The following DHRSX variants were observed in gnomAD, a reference collection of about 807,000 sequenced individuals.
The protein encoded by DHRSX is polyprenol dehydrogenase.
Under a neutral mutation model 34.0 loss-of-function variants are expected in DHRSX, and 31 were observed. The observed-to-expected ratio is 0.91, with a 90% CI of 0.69 to 1.23. DHRSX has a LOEUF of 1.23. Among genes scored for constraint, DHRSX ranks in the 50% most tolerant of loss-of-function variants. The pLI is 0.00. For synonymous variants in DHRSX, 201 were observed against 183.8 expected (o/e 1.09, Z -0.76); for missense variants, 414 against 428.1 (o/e 0.97, Z 0.29).
At chrX:2,360,566 G>C (rs1180578519) in intron 3 of DHRSX, among the ~76,000 whole-genome samples, 4 of 152,082 alleles carry the variant, frequency 2.6e-5, no homozygotes, top group Admixed American at 1.3e-4. Context: ...CTGGGCAACA[G>C]AGTGAGACTC....
chrX:2,415,446 C>T lies in DHRSX; in HGVS notation c.218-6633G>A, dbSNP rs192947051. Among the ~76,000 whole-genome samples the T allele has an allele frequency of 8.4e-3, 1,273 of 151,048 alleles. 20 individuals are homozygous for T. The highest frequency in any genetic ancestry group is 0.03 in the African/African-American group (1,217 of 41,174). ...CTCAATGAGACCTCATCATAACTTA[C>T]CCCAACTACATCACATCATGACCTA... On this transcript the variant is annotated intron_variant, in intron 2 of 6. Transcript: ENST00000334651.
intron 3 of DHRSX, among the ~76,000 whole-genome samples, chrX:2,303,789 A>ATGGGTGGG (rs371825446): frequency 5.5e-5 from 4 of 73,044 alleles, no homozygotes; most frequent in Admixed American, 1.6e-4. Context: ...GGATGGATGG[A>ATGGGTGGG]TGGGTGGGTG....
At chrX:2,345,129 C>A (rs1316918308) in intron 3 of DHRSX, among the ~76,000 whole-genome samples, 9 of 151,714 alleles carry the variant, frequency 5.9e-5, no homozygotes. Context: ...TGAAATACTG[C>A]CCAACTTGTG....
chrX:2,496,772 A>G (rs983520575), intron 1 of DHRSX, among the ~76,000 whole-genome samples: 1 of 151,406 alleles, frequency 6.6e-6, no homozygotes, highest in Non-Finnish European at 1.5e-5. Context: ...AAGTGTACAC[A>G]TTTATATATT....
intron 5 of DHRSX, chrX:2,261,569 C>A (rs1200069071): frequency 6.6e-6 from 1 of 151,924 alleles, no homozygotes; most frequent in Non-Finnish European, 1.5e-5. Context: ...GTCAGGAGTT[C>A]GAGACCAGCC....
chrX:2,382,612 T>C (rs1353444273), intron 3 of DHRSX, among the ~76,000 whole-genome samples: 11 of 50,228 alleles, frequency 2.2e-4, no homozygotes, highest in East Asian at 9.5e-4. Flanking sequence ...ACCATCACCA[T>C]CATCACCACC....
intron 3 of DHRSX, among the ~76,000 whole-genome samples, chrX:2,344,255 T>C (rs1449265805): frequency 1.3e-5 from 2 of 152,186 alleles, no homozygotes; most frequent in East Asian, 1.9e-4. Context: ...TAGCCCATCA[T>C]CACGGGTCAT....
chrX:2,293,257 T>G (rs2041888754), intron 3 of DHRSX, among the ~76,000 whole-genome samples: 2 of 151,510 alleles, frequency 1.3e-5, no homozygotes, highest in South Asian at 2.1e-4. Context: ...AAAGCTGTTT[T>G]TTTTTTTTTT....
chrX:2,355,999 G>C, intron 3 of DHRSX, among the ~76,000 whole-genome samples: 1 of 151,404 alleles, frequency 6.6e-6, no homozygotes. Flanking sequence ...CCAGGAGGTG[G>C]AGTTTGCAGT....
intron 3 of DHRSX, among the ~76,000 whole-genome samples, chrX:2,306,324 C>T (rs950081231): frequency 6.6e-6 from 1 of 152,020 alleles, no homozygotes; most frequent in African/African-American, 2.4e-5. Flanking sequence ...TGAGCCGATA[C>T]ATCAAGCCCT....
At chrX:2,385,321 G>A (rs2043259350) in intron 3 of DHRSX, among the ~76,000 whole-genome samples, 1 of 152,106 alleles carries the variant, frequency 6.6e-6, no homozygotes, top group Non-Finnish European at 1.5e-5. Flanking sequence ...GTGGTGGCTA[G>A]TGATGGTCAT....
chrX:2,285,094 T>C (rs997062830), intron 4 of DHRSX, among the ~76,000 whole-genome samples: 1 of 152,148 alleles, frequency 6.6e-6, no homozygotes, highest in African/African-American at 2.4e-5. Flanking sequence ...GGGACCACTT[T>C]TGTGAAAGAC....
At chrX:2,338,004 GAC>G (rs2042590759) in intron 3 of DHRSX, 1 of 48,864 alleles carries the variant, frequency 2.0e-5, no homozygotes, top group African/African-American at 1.2e-4. Context: ...CCTCAGCTGA[GAC>G]AAAAAAAAAA....
chrX:2,368,340 A>G (rs1263146847), intron 3 of DHRSX, among the ~76,000 whole-genome samples: 1 of 152,132 alleles, frequency 6.6e-6, no homozygotes, highest in African/African-American at 2.4e-5. Context: ...CCCAAGTCAC[A>G]TACGTAATTT....
At chrX:2,308,375 A>T (rs955007558) in intron 3 of DHRSX, among the ~76,000 whole-genome samples, 1 of 152,084 alleles carries the variant, frequency 6.6e-6, no homozygotes, top group Non-Finnish European at 1.5e-5. Context: ...AATTGTTAAA[A>T]CAACTGTTCG....
Position 2,436,324 on chromosome X carries a change from G to A in DHRSX, c.110-11020C>T, listed in dbSNP as rs190373478. 7.7e-3 allele frequency among the ~76,000 whole-genome samples: 1,169 copies of A among 151,978 alleles called. 17 individuals carry two copies. The highest frequency in any genetic ancestry group is 0.027 in the African/African-American group (1,101 of 41,450). ...CCCTGGTCCCTTCATCTAACACTGA[G>A]GGCTGGAGACACAGTGAGTTTTGTC... On this transcript the variant is annotated intron_variant, in intron 1 of 6. Coordinates refer to ENST00000334651, the MANE Select transcript of DHRSX (RefSeq NM_145177.3).
chrX:2,427,040 G>C (rs2066054543), intron 1 of DHRSX, among the ~76,000 whole-genome samples: 1 of 152,210 alleles, frequency 6.6e-6, no homozygotes, highest in Non-Finnish European at 1.5e-5. Context: ...ATACACAGAT[G>C]TGTCTGGCAA....
intron 1 of DHRSX, among the ~76,000 whole-genome samples, chrX:2,457,139 C>A (rs998281227): frequency 2.6e-5 from 4 of 152,114 alleles, no homozygotes; most frequent in African/African-American, 9.7e-5. Context: ...GACACAGACA[C>A]TCAGAAGAAA....
At chrX:2,324,941 GT>G (rs1456014743) in intron 3 of DHRSX, among the ~76,000 whole-genome samples, 2 of 67,568 alleles carry the variant, frequency 3.0e-5, no homozygotes, top group African/African-American at 1.5e-4. Context: ...GCTAATTTTT[GT>G]TTTGTTTTTT....
Sources: allele counts gnomAD v4.1 joint callset (sites outside exome capture counted in the v4.1 genomes callset), GRCh38; gene constraint gnomAD v4.1.1; transcripts MANE v1.5; gene names NCBI Gene and HGNC (gene_info 2026-07-23, HGNC 2026-07-21).